Variants in PABPN1L observed in about 807,000 individuals in gnomAD.
The protein encoded by PABPN1L is PABPN1 like, cytoplasmic, also known as embryonic polyadenylate-binding protein 2.
In PABPN1L, 45 loss-of-function variants were observed where a neutral mutation model predicts 34.0. That is an observed-to-expected ratio of 1.32 (90% CI 1.04 to 1.70). PABPN1L has a LOEUF of 1.70. Ranked by LOEUF, PABPN1L falls within the 40% of genes most tolerant of loss-of-function variation. PABPN1L has a pLI of 0.00. For synonymous variants in PABPN1L, 182 were observed against 152.1 expected (o/e 1.20, Z -1.45); for missense variants, 459 against 367.8 (o/e 1.25, Z -2.03).
Position 88,864,382 on chromosome 16 carries a change from G to A in PABPN1L, c.655-3C>T, listed in dbSNP as rs1388722769. On this transcript the variant is annotated splice_polypyrimidine_tract_variant and splice_region_variant and intron_variant, in intron 5 of 6. Coordinates refer to ENST00000419291, the Ensembl canonical transcript of PABPN1L. ...AAGTTGGTTCTTTTCGGCAGCACCT[G>A]GAGCAAAGGCCTGTTTTGAGTCCTC... 6.4e-7 allele frequency: 1 copy of A among 1,553,978 alleles called. No individual in the cohort carries two copies. The highest frequency in any genetic ancestry group is 1.4e-5 in the African/African-American group (1 of 73,190).
At chr16:88,863,491 C>G (rs1305650854) in exon 7 of PABPN1L, 1 of 575,126 alleles carries the variant, frequency 1.7e-6, no homozygotes, top group Non-Finnish European at 3.1e-6. Context: ...CCTCAACACC[C>G]AGAGCCCCGC....
chr16:88,864,221 A>T lies in PABPN1L; in HGVS notation c.797+16T>A. On this transcript the variant is annotated intron_variant, in intron 6 of 6. Transcript: ENST00000419291. ...TGGCCCTCGCCCCCAGGCTGCCCCC[A>T]CAGGCACCCACTCACCGGTTCTGCC... 6.6e-7 allele frequency: 1 copy of T among 1,514,964 alleles called. No homozygotes were observed. Among genetic ancestry groups the T allele is most frequent in the Non-Finnish European group, 8.8e-7 (1 of 1,133,692 alleles). 93.8% of individuals were successfully genotyped at this position (1,514,964 alleles called of 1,614,324 possible). A position where few individuals can be genotyped will look rare whatever the true frequency, so the allele number is the denominator to read the frequency against.
At chr16:88,865,325 C>T (rs1232960314) in intron 3 of PABPN1L, among the ~76,000 whole-genome samples, 197 bp from the exon 4 acceptor site, 2 of 151,438 alleles carry the variant, frequency 1.3e-5, no homozygotes, top group East Asian at 1.9e-4. Context: ...TTCTGGAGAG[C>T]TGGAGCCTTT....
At chr16:88,869,698 C>A (rs547794144), upstream of PABPN1L, among the ~76,000 whole-genome samples, 96 of 152,374 alleles carry the variant, frequency 6.3e-4, no homozygotes, top group Non-Finnish European at 1.1e-3. Context: ...GCAACCAGTT[C>A]CATCCAAGAC....
exon 2 of PABPN1L, chr16:88,865,827 G>A: frequency 6.2e-7 from 1 of 1,608,130 alleles, no homozygotes; most frequent in Non-Finnish European, 8.5e-7. Context: ...GGGCTCAGCA[G>A]CTGCCCGGCC....
At chr16:88,866,281 G>A in intron 1 of PABPN1L, 71 bp downstream of exon 1, 1 of 1,498,828 alleles carries the variant, frequency 6.7e-7, no homozygotes, top group East Asian at 2.5e-5. Context: ...CCGTCACCCA[G>A]ACCCCGTGTC....
At chr16:88,867,672 A>G (rs1053647873), upstream of PABPN1L, among the ~76,000 whole-genome samples, 3 of 152,092 alleles carry the variant, frequency 2.0e-5, no homozygotes, top group Non-Finnish European at 4.4e-5. Flanking sequence ...CTGTGGCGGA[A>G]TTCAGTGGGC....
chr16:88,867,739 C>G (rs1015015277), upstream of PABPN1L, among the ~76,000 whole-genome samples: 1 of 152,162 alleles, frequency 6.6e-6, no homozygotes, highest in Admixed American at 6.5e-5. Flanking sequence ...GGAGGTGACC[C>G]GTGTCCGCCC....
chr16:88,865,762 G>A (rs1303404001), intron 2 of PABPN1L, 44 bp downstream of exon 2: 1 of 1,575,170 alleles, frequency 6.3e-7, no homozygotes. Context: ...GGAAACTGTG[G>A]GACCCTTGCT....
At position 88,865,974 on chromosome 16, in the gene PABPN1L, G is replaced by A. The variant is rs747113791; in HGVS notation, c.256-33C>T. ...CACACGGCCCTGAGCCGGGCAGGCAGCCTGCAGGCTCTGCTCAAGGAAGGT... is the reference window on the plus strand; with the variant it reads ...CACACGGCCCTGAGCCGGGCAGGCAACCTGCAGGCTCTGCTCAAGGAAGGT... On this transcript the variant is annotated intron_variant, in intron 1 of 6. Coordinates refer to ENST00000419291, the Ensembl canonical transcript of PABPN1L. The A allele has an allele frequency of 8.9e-5, 141 of 1,588,104 alleles. No homozygotes were observed. The East Asian group carries it at 3.0e-3, about 33-fold the overall frequency.
rs1318090819 is a variant in PABPN1L at position 88,864,399 on chromosome 16, T to A, written c.655-20A>T. 15 of 1,550,418 alleles carry A rather than the reference T, an allele frequency of 9.7e-6. No homozygotes were observed. The highest frequency in any genetic ancestry group is 1.3e-5 in the Non-Finnish European group (15 of 1,146,768). On this transcript the variant is annotated intron_variant, in intron 5 of 6. Transcript: ENST00000419291. ...CAGCACCTGGAGCAAAGGCCTGTTT[T>A]GAGTCCTCCTCAAGGAGCAGCCGAG...
In PABPN1L at chr16:88,864,955, A is replaced by AGGGAGGGGAGGGGAGGGGCAGGGAG. The variant is rs71158763; in HGVS notation, c.567-16_567-15insCTCCCTGCCCCTCCCCTCCCCTCCC. On this transcript the variant is annotated splice_polypyrimidine_tract_variant and intron_variant, in intron 4 of 6. Coordinates refer to ENST00000419291, the Ensembl canonical transcript of PABPN1L. The stretch of plus-strand genomic sequence containing the variant: ...TGTAGGCATAACTGAGGGGAGGGGC[A>AGGGAGGGGAGGGGAGGGGCAGGGAG]GGGAGGGGAGGGGTGAGGCTGGGCC... 1.2e-5 allele frequency: 15 copies of AGGGAGGGGAGGGGAGGGGCAGGGAG among 1,250,054 alleles called. No individual in the cohort carries two copies. The highest frequency in any genetic ancestry group is 1.9e-4 in the Middle Eastern group (1 of 5,244). The allele number at this position is 1,250,054 out of a possible 1,614,324, so 77.4% of individuals were successfully genotyped here.
chr16:88,864,259 G>A lies in PABPN1L; in HGVS notation c.775C>T (p.Leu259Phe), dbSNP rs1410510063. ...CACCGGTTCTGCCCTTGTGGTCTGA[G>A]CCGGGGCCTGCCCTGGAGGCCGCTG... Residue 259 changes from leucine (L) to phenylalanine (F), a missense_variant, in exon 6 of 7, where the codon CTC (leucine) becomes TTC (phenylalanine). By Grantham distance (22) the Leu-to-Phe change is conservative. Coordinates refer to ENST00000419291, the Ensembl canonical transcript of PABPN1L. 2 of 1,542,682 alleles carry A rather than the reference G, an allele frequency of 1.3e-6. 1 individual carries two copies. The highest frequency in any genetic ancestry group is 2.4e-5 in the South Asian group (2 of 84,132).
At chr16:88,865,845 C>T (rs778342403) in exon 2 of PABPN1L, 4 of 1,609,768 alleles carry the variant, frequency 2.5e-6, no homozygotes, top group Non-Finnish European at 3.4e-6. Context: ...GCCGCGGTGC[C>T]CTCCTCTTCC....
chr16:88,864,784 G>T (rs971858420), intron 5 of PABPN1L, 69 bp downstream of exon 5: 3 of 1,458,118 alleles, frequency 2.1e-6, no homozygotes, highest in South Asian at 1.2e-5. Flanking sequence ...TGGGGCTGCT[G>T]TGTGTCCCAG....
At chr16:88,869,148 C>A (rs7202075), upstream of PABPN1L, among the ~76,000 whole-genome samples, 4,270 of 152,290 alleles carry the variant, frequency 0.028, 81 homozygotes, top group African/African-American at 0.054. Context: ...TGGCTTAGTG[C>A]GTTTTAGGTC....
chr16:88,864,902 T>A, exon 5 of PABPN1L: 1 of 1,498,512 alleles, frequency 6.7e-7, no homozygotes. Flanking sequence ...CACGGCGGCC[T>A]GCACGGAGCC....
In PABPN1L at chr16:88,863,607, C is replaced by A. The variant is rs578248282; in HGVS notation, c.*149G>T. 5 of 1,032,926 alleles carry A rather than the reference C, an allele frequency of 4.8e-6. No individual in the cohort carries two copies. In the East Asian group the frequency reaches 1.3e-4, roughly 27 times the overall value. The allele number at this position is 1,032,926 out of a possible 1,614,324, so 64.0% of individuals were successfully genotyped here. A position where few individuals can be genotyped will look rare whatever the true frequency, so the allele number is the denominator to read the frequency against. ...ATACAAGGCCCTACTGGGCCATCCC[C>A]CCGCCAAGAGGGGGCCAGTGGCTGC... On this transcript the variant is annotated 3_prime_UTR_variant, in exon 7 of 7. Coordinates refer to ENST00000419291, the Ensembl canonical transcript of PABPN1L.
upstream of PABPN1L, among the ~76,000 whole-genome samples, chr16:88,869,108 T>C (rs1166875693): frequency 1.3e-5 from 2 of 152,220 alleles, no homozygotes; most frequent in Non-Finnish European, 2.9e-5. Flanking sequence ...CAGGTGTGTG[T>C]GATTCGGCTC....
Sources: allele counts gnomAD v4.1 joint callset (sites outside exome capture counted in the v4.1 genomes callset), GRCh38; gene constraint gnomAD v4.1.1; transcripts MANE v1.5; gene names NCBI Gene and HGNC (gene_info 2026-07-23, HGNC 2026-07-21).